Variants in SLFN14 observed in about 807,000 individuals in gnomAD.
The protein encoded by SLFN14 is schlafen family member 14.
Under a neutral mutation model 58.6 loss-of-function variants are expected in SLFN14, and 47 were observed. The ratio of observed to expected loss-of-function variants is 0.80; its 90% CI spans 0.64 to 1.02. The LOEUF is 1.02. Ranked by LOEUF, SLFN14 falls within the 50% of genes least tolerant of loss-of-function variation. The pLI is 0.00. For missense variants in SLFN14, 967 were observed against 1,078.4 expected (o/e 0.90, Z 1.45); for synonymous variants, 390 against 387.3 (o/e 1.01, Z -0.08).
At chr17:35,559,134 G>A (rs2072680118) in intron 2 of SLFN14, among the ~76,000 whole-genome samples, 1 of 152,120 alleles carries the variant, frequency 6.6e-6, no homozygotes, top group Non-Finnish European at 1.5e-5. Flanking sequence ...GCTGAGGTGG[G>A]AGGATCTCTT....
intron 2 of SLFN14, among the ~76,000 whole-genome samples, 92 bp downstream of exon 2, chr17:35,559,635 C>T (rs2072683191): frequency 1.3e-5 from 2 of 152,176 alleles, no homozygotes; most frequent in Non-Finnish European, 2.9e-5. Context: ...TATTTGCTAA[C>T]TCAACCAAAA....
Position 35,553,113 on chromosome 17 carries a change from GC to G in SLFN14, c.1520del (p.Cys507SerfsTer6), listed in dbSNP as rs2072612556. ...TCAGGTGTATCAGCCTTGGAATGATGCACACTTTCCCTGTGTAACCACCAAC... is the reference window on the plus strand; with the variant it reads ...TCAGGTGTATCAGCCTTGGAATGATGACACTTTCCCTGTGTAACCACCAAC... The part of the protein sequence containing the change: ...QTVGGYTGKV[C>X]IIPRLIHLSS... On this transcript the variant is annotated frameshift_variant, in exon 5 of 6. Coordinates refer to ENST00000674182, the MANE Select transcript of SLFN14 (RefSeq NM_001129820.2). LOFTEE classifies it high-confidence loss of function. The G allele has an allele frequency of 6.4e-7, 1 of 1,551,640 alleles. No homozygotes were observed. The highest frequency in any genetic ancestry group is 1.4e-5 in the African/African-American group (1 of 73,130).
Position 35,557,041 on chromosome 17 carries a change from G to C in SLFN14, c.1022C>G (p.Ala341Gly). The C allele has an allele frequency of 6.4e-7, 1 of 1,551,662 alleles. No individual in the cohort carries two copies. Among genetic ancestry groups the C allele is most frequent in the East Asian group, 2.4e-5 (1 of 40,926 alleles). Residue 341 changes from alanine (A) to glycine (G), a missense_variant, in exon 3 of 6, where the codon GCT (alanine) becomes GGT (glycine). By Grantham distance (60) the Ala-to-Gly change is moderately conservative. Coordinates refer to ENST00000674182, the MANE Select transcript of SLFN14 (RefSeq NM_001129820.2). ...CAGCATCATGACCACCCACTGCTCA[G>C]CTGTCAGCCGTGTGACAGAATTGTC... ...MKDNSVTRLT[A>G]EQWVVMMLDT...
At position 35,556,996 on chromosome 17, in the gene SLFN14, C is replaced by T; in HGVS notation, c.1060+7G>A. 6.5e-7 allele frequency: 1 copy of T among 1,546,852 alleles called. No homozygotes were observed. The highest frequency in any genetic ancestry group is 2.4e-5 in the East Asian group (1 of 40,900). ...CTGATGGGGACAATGACTTCACTTCCCTTTACCTGACTGAGTATCCAGCAT... is the reference window on the plus strand; with the variant it reads ...CTGATGGGGACAATGACTTCACTTCTCTTTACCTGACTGAGTATCCAGCAT... On this transcript the variant is annotated splice_region_variant and intron_variant, in intron 3 of 5. Transcript: ENST00000674182.
chr17:35,560,488 C>T (rs1026102898), intron 1 of SLFN14, among the ~76,000 whole-genome samples: 3 of 152,020 alleles, frequency 2.0e-5, no homozygotes, highest in South Asian at 2.1e-4. Flanking sequence ...CCACCACTCT[C>T]GATACATTTT....
At chr17:35,553,483 A>T in intron 4 of SLFN14, 39 bp from the exon 5 acceptor site, 2 of 1,435,180 alleles carry the variant, frequency 1.4e-6, no homozygotes, top group Non-Finnish European at 1.9e-6. Flanking sequence ...AAACTTACAA[A>T]AGCATGTGGT....
In SLFN14 at chr17:35,544,820, G is replaced by A. The variant is rs773780418; in HGVS notation, c.*3419C>T. ...TAGGATTACCAGCATGAGCCCCTGC[G>A]CCCAGCCTGATTTAAGAACTTTTAA... On this transcript the variant is annotated 3_prime_UTR_variant, in exon 6 of 6. Transcript: ENST00000674182. 6.6e-5 allele frequency among the ~76,000 whole-genome samples: 10 copies of A among 151,958 alleles called. No individual in the cohort carries two copies. Among genetic ancestry groups the A allele is most frequent in the Admixed American group, 6.6e-5 (1 of 15,264 alleles).
rs977975483 is a variant in SLFN14 at position 35,548,352 on chromosome 17, C to T, written c.2626G>A (p.Val876Met). The change falls in exon 6 of 6, where the codon GTG becomes ATG. Residue 876 changes from valine to methionine, a missense_variant. By Grantham distance (21) the Val-to-Met change is conservative. Coordinates refer to ENST00000674182, the MANE Select transcript of SLFN14 (RefSeq NM_001129820.2). ...QQFSGLERTVVFGLSPECDQS... is the reference protein window; with the variant it reads ...QQFSGLERTVMFGLSPECDQS... ...TCACATTCTGGACTAAGCCCAAACA[C>T]GACAGTCCTCTCCAGGCCTGAAAAT... is the stretch of plus-strand genomic sequence containing the variant. The T allele has an allele frequency of 7.7e-6, 12 of 1,551,580 alleles. No individual in the cohort carries two copies. The Admixed American group carries it at 9.8e-5, about 13-fold the overall frequency.
chr17:35,552,913 T>A lies in SLFN14; in HGVS notation c.1721A>T (p.Glu574Val). The change falls in exon 5 of 6, where the codon GAG (glutamate) becomes GTG (valine). Residue 574 changes from glutamate (E) to valine (V), a missense_variant. Coordinates refer to ENST00000674182, the MANE Select transcript of SLFN14 (RefSeq NM_001129820.2). The stretch of plus-strand genomic sequence containing the variant: ...ACTCTCAGAAAGCAACTGGCTCTGC[T>A]CCATTATGAGCAAGTTGAAAAATTC... ...GCEFFNLLIM[E>V]QSQLLSESLQ... is the part of the protein sequence containing the mutation. The A allele has an allele frequency of 6.4e-7, 1 of 1,551,592 alleles. No individual in the cohort carries two copies. Among genetic ancestry groups the A allele is most frequent in the Non-Finnish European group, 8.7e-7 (1 of 1,146,992 alleles).
Position 35,552,928 on chromosome 17 carries a change from T to G in SLFN14, c.1706A>C (p.Asn569Thr). The change falls in exon 5 of 6, where the codon AAC becomes ACC. Residue 569 changes from asparagine (N) to threonine (T), a missense_variant. Coordinates refer to ENST00000674182, the MANE Select transcript of SLFN14 (RefSeq NM_001129820.2). ...CTGGCTCTGCTCCATTATGAGCAAGTTGAAAAATTCACAGCCCATCTGGTC... is the reference window on the plus strand; with the variant it reads ...CTGGCTCTGCTCCATTATGAGCAAGGTGAAAAATTCACAGCCCATCTGGTC... ...LSDQMGCEFF[N>T]LLIMEQSQLL... 1.3e-6 allele frequency: 2 copies of G among 1,551,558 alleles called. No homozygotes were observed. The highest frequency in any genetic ancestry group is 1.4e-5 in the African/African-American group (1 of 73,122).
chr17:35,551,249 C>A (rs1307731408), intron 5 of SLFN14, among the ~76,000 whole-genome samples: 1 of 152,226 alleles, frequency 6.6e-6, no homozygotes, highest in Admixed American at 6.5e-5. Flanking sequence ...TTGTGACACT[C>A]TTGAAAAGAC....
chr17:35,557,893 C>A lies in SLFN14; in HGVS notation c.170G>T (p.Gly57Val). ...RAICALLNSG[G>V]GVIKAEIDDK... ...ATCAATCTCTGCTTTGATCACACCA[C>A]CTCCAGAATTTAACAGTGCACATAT... Residue 57 changes from glycine to valine, a missense_variant, in exon 3 of 6, where the codon GGT becomes GTT. Transcript: ENST00000674182. The A allele has an allele frequency of 6.4e-7, 1 of 1,551,728 alleles. No individual in the cohort carries two copies. Among genetic ancestry groups the A allele is most frequent in the South Asian group, 1.2e-5 (1 of 84,066 alleles).
chr17:35,559,722 C>A lies in SLFN14; in HGVS notation c.-45+5G>T, dbSNP rs968143549. ...AGGGGCCCTGTGGGCATTGTATATA[C>A]TCACCAAGAGGAAGAAAGCAGGCAT... On this transcript the variant is annotated splice_donor_5th_base_variant and intron_variant, in intron 2 of 5. Coordinates refer to ENST00000674182, the MANE Select transcript of SLFN14 (RefSeq NM_001129820.2). 1.3e-5 allele frequency among the ~76,000 whole-genome samples: 2 copies of A among 152,166 alleles called. No individual in the cohort carries two copies. The highest frequency in any genetic ancestry group is 4.8e-5 in the African/African-American group (2 of 41,426).
chr17:35,548,495 T>C lies in SLFN14; in HGVS notation c.2483A>G (p.Tyr828Cys), dbSNP rs1234868082. Residue 828 changes from tyrosine to cysteine, a missense_variant, in exon 6 of 6, where the codon TAT (tyrosine) becomes TGT (cysteine). Tyr to Cys is a radical substitution (Grantham distance 194, BLOSUM62 -2). Coordinates refer to ENST00000674182, the MANE Select transcript of SLFN14 (RefSeq NM_001129820.2). ...CATTGCTTTGAGTAGTGCAAGCCTATAGCGTCCTCTGTCCTCCCCTCTCCT... is the reference window on the plus strand; with the variant it reads ...CATTGCTTTGAGTAGTGCAAGCCTACAGCGTCCTCTGTCCTCCCCTCTCCT... Reference protein sequence around the residue: ...LCRRGEDRGRYRLALLKAMEL... With the variant: ...LCRRGEDRGRCRLALLKAMEL... The C allele has an allele frequency of 4.5e-6, 7 of 1,551,650 alleles. No homozygotes were observed. In the East Asian group the frequency reaches 7.3e-5, roughly 16 times the overall value.
chr17:35,553,041 C>T lies in SLFN14; in HGVS notation c.1593G>A (p.Arg531=). ...RPGEIPLRYP[R]SYRLADEEEM... ...CCTCCTCATCAGCAAGCCTGTAGGA[C>T]CTGGGGTAACGCAGGGGGATCTCAC... Residue 531 remains arginine (R), a synonymous_variant, in exon 5 of 6, where the codon AGG becomes AGA. Coordinates refer to ENST00000674182, the MANE Select transcript of SLFN14 (RefSeq NM_001129820.2). 1 of 1,551,608 alleles carries T rather than the reference C, an allele frequency of 6.4e-7. No homozygotes were observed. The highest frequency in any genetic ancestry group is 8.7e-7 in the Non-Finnish European group (1 of 1,146,976).
At chr17:35,549,441 T>C (rs1355866054) in intron 5 of SLFN14, among the ~76,000 whole-genome samples, 1 of 152,258 alleles carries the variant, frequency 6.6e-6, no homozygotes, top group Non-Finnish European at 1.5e-5. Context: ...ATTTCTTTAC[T>C]TTCTATCCTC....
At position 35,547,603 on chromosome 17, in the gene SLFN14, G is replaced by A. The variant is rs1385124240; in HGVS notation, c.*636C>T. Among the ~76,000 whole-genome samples, 1 of 152,192 alleles carries A rather than the reference G, an allele frequency of 6.6e-6. No homozygotes were observed. Among genetic ancestry groups the A allele is most frequent in the Non-Finnish European group, 1.5e-5 (1 of 68,034 alleles). On this transcript the variant is annotated 3_prime_UTR_variant, in exon 6 of 6. Coordinates refer to ENST00000674182, the MANE Select transcript of SLFN14 (RefSeq NM_001129820.2). Reference sequence around the variant, plus strand: ...CCTTTGTGAGCTTGATTAGCATAAAGCATCCCCAAGAGACTGATCTAGACT... The same window carrying A: ...CCTTTGTGAGCTTGATTAGCATAAAACATCCCCAAGAGACTGATCTAGACT...
chr17:35,551,032 T>C (rs1188479198), intron 5 of SLFN14, among the ~76,000 whole-genome samples: 1 of 152,076 alleles, frequency 6.6e-6, no homozygotes, highest in African/African-American at 2.4e-5. Flanking sequence ...AGGCCATGGA[T>C]TGTGAGAAAA....
rs1156989700 is a variant in SLFN14, at chr17:35,553,327, A to G, written c.1307T>C (p.Val436Ala). ...ACCAGCCCAGCTTCTAGAAAATATC[A>G]CAATCCCCTGAGAACAAGGATGTAT... is the stretch of plus-strand genomic sequence containing the variant. ...TLIHPCSQGI[V>A]IFSRSWAGDV... The change falls in exon 5 of 6, where the codon GTG (valine) becomes GCG (alanine). Residue 436 changes from valine to alanine, a missense_variant. By Grantham distance (64) the Val-to-Ala change is moderately conservative (BLOSUM62 0). Transcript: ENST00000674182. 1.9e-6 allele frequency: 3 copies of G among 1,551,626 alleles called. No homozygotes were observed. The highest frequency in any genetic ancestry group is 8.7e-7 in the Non-Finnish European group (1 of 1,146,984).
Sources: allele counts gnomAD v4.1 joint callset (sites outside exome capture counted in the v4.1 genomes callset), GRCh38; gene constraint gnomAD v4.1.1; transcripts MANE v1.5; gene names NCBI Gene and HGNC (gene_info 2026-07-23, HGNC 2026-07-21).